The following ASH1L variants were observed in gnomAD, a reference collection of about 807,000 sequenced individuals.
The protein encoded by ASH1L is histone-lysine N-methyltransferase ASH1L.
In ASH1L, 23 loss-of-function variants were observed where a neutral mutation model predicts 269.0. That is an observed-to-expected ratio of 0.09 (90% CI 0.06 to 0.12). The LOEUF (loss-of-function observed/expected upper bound fraction) is 0.12. Among genes scored for constraint, ASH1L ranks in the 10% least tolerant of loss-of-function variants. ASH1L has a pLI of 1.00. For synonymous variants in ASH1L, 1,187 were observed against 1,253.5 expected (o/e 0.95, Z 1.12); for missense variants, 2,912 against 3,567.8 (o/e 0.82, Z 4.68).
chr1:155,521,761 A>T (rs1668901903), intron 1 of ASH1L, 143 bp from the exon 2 acceptor site: 1 of 449,326 alleles, frequency 2.2e-6, no homozygotes, highest in East Asian at 3.2e-5. Context: ...TTCAAAATAG[A>T]TGTAAATCCA....
intron 2 of ASH1L, among the ~76,000 whole-genome samples, chr1:155,497,047 G>A (rs779815107): frequency 2.0e-5 from 3 of 152,040 alleles, no homozygotes; most frequent in Non-Finnish European, 4.4e-5. Context: ...TATCTAATAA[G>A]CCTGATTTCT....
At chr1:155,533,289 C>T (rs765593391) in intron 1 of ASH1L, among the ~76,000 whole-genome samples, 4 of 151,928 alleles carry the variant, frequency 2.6e-5, no homozygotes, top group Non-Finnish European at 4.4e-5. Flanking sequence ...TCATTTAAGG[C>T]TCACAATCAG....
At chr1:155,468,067 C>T (rs553471874) in intron 3 of ASH1L, among the ~76,000 whole-genome samples, 60 of 152,084 alleles carry the variant, frequency 3.9e-4, no homozygotes, top group Middle Eastern at 3.4e-3. Flanking sequence ...CACTCATGTC[C>T]TTTTTTCACT....
At chr1:155,430,061 C>T (rs1208762704) in intron 5 of ASH1L, among the ~76,000 whole-genome samples, 6 of 152,050 alleles carry the variant, frequency 3.9e-5, no homozygotes, top group South Asian at 2.1e-4. Flanking sequence ...CTGCAACCTC[C>T]GCCTGCCAGG....
intron 12 of ASH1L, among the ~76,000 whole-genome samples, chr1:155,367,541 T>C (rs973821559): frequency 6.6e-6 from 1 of 152,196 alleles, no homozygotes. Flanking sequence ...AATGTAGATA[T>C]GACAGTGGAT....
Position 155,459,834 on chromosome 1 carries a change from G to T in ASH1L, c.5049C>A (p.Thr1683=). The change falls in exon 4 of 28, where the codon ACC becomes ACA. Residue 1683 remains threonine (T), a synonymous_variant. Transcript: ENST00000392403. ...RPSESTNCSP[T]RKRSSSESTS... ...TACTCTCAGATGAAGACCTTTTCCG[G>T]GTAGGGCTACAATTTGTGCTCTCTG... The T allele has an allele frequency of 1.9e-6, 3 of 1,613,308 alleles. No homozygotes were observed. In the South Asian group the frequency reaches 3.3e-5, roughly 18 times the overall value.
intron 4 of ASH1L, among the ~76,000 whole-genome samples, chr1:155,456,583 AAC>A (rs1450769242): frequency 9.2e-5 from 14 of 152,134 alleles, no homozygotes; most frequent in Non-Finnish European, 2.1e-4. Context: ...CACCTCACTT[AAC>A]ACATTCTCCC....
intron 21 of ASH1L, chr1:155,346,107 T>C (rs1433695063): frequency 1.6e-6 from 2 of 1,288,520 alleles, no homozygotes; most frequent in South Asian, 1.2e-5. Flanking sequence ...GTGCTAGGAT[T>C]ACAGGCATGA....
intron 10 of ASH1L, among the ~76,000 whole-genome samples, chr1:155,375,475 C>T (rs987926725): frequency 6.6e-6 from 1 of 152,098 alleles, no homozygotes; most frequent in African/African-American, 2.4e-5. Flanking sequence ...TTATCTTTAG[C>T]CAGATAATGC....
At position 155,478,325 on chromosome 1, in the gene ASH1L, C is replaced by T; in HGVS notation, c.4545G>A (p.Lys1515=). ...GSSRSVLESL[K]RYRFGKDAVG... ...CAGCATCCTTTCCAAATCTATAGCG[C>T]TTCAAAGATTCCAGGACAGATCGGG... Residue 1515 remains lysine (K), a synonymous_variant, in exon 3 of 28, where the codon AAG becomes AAA. Transcript: ENST00000392403. The surrounding 1 kb of genome is among the most constrained non-coding windows in gnomAD (Gnocchi z 4.6). 1 of 1,614,118 alleles carries T rather than the reference C, an allele frequency of 6.2e-7. No individual in the cohort carries two copies. Among genetic ancestry groups the T allele is most frequent in the Non-Finnish European group, 8.5e-7 (1 of 1,180,038 alleles).
intron 21 of ASH1L, 110 bp downstream of exon 21, chr1:155,346,273 G>T (rs2148331845): frequency 6.4e-7 from 1 of 1,550,954 alleles, no homozygotes; most frequent in Non-Finnish European, 8.9e-7. Context: ...GCCCAGAGAG[G>T]CTGAACAACC....
intron 2 of ASH1L, among the ~76,000 whole-genome samples, chr1:155,499,994 T>A (rs1239474561): frequency 6.6e-6 from 1 of 152,196 alleles, no homozygotes; most frequent in African/African-American, 2.4e-5. Context: ...CAGTACTGAT[T>A]AGGGAAGTTC....
chr1:155,485,267 A>C (rs1391452745), intron 2 of ASH1L, among the ~76,000 whole-genome samples: 1 of 151,796 alleles, frequency 6.6e-6, no homozygotes, highest in East Asian at 1.9e-4. Flanking sequence ...AAAAAAAAAA[A>C]AAACCCAAAA....
At chr1:155,370,214 C>T (rs1012948519) in intron 12 of ASH1L, 6 of 394,698 alleles carry the variant, frequency 1.5e-5, no homozygotes, top group Admixed American at 3.8e-5. Flanking sequence ...TCATCATCAT[C>T]ATTATTATAT....
chr1:155,482,579 C>T (rs1666033714), intron 2 of ASH1L, 130 bp from the exon 3 acceptor site: 1 of 904,400 alleles, frequency 1.1e-6, no homozygotes, highest in South Asian at 1.8e-5. Flanking sequence ...TTTAAAAAAC[C>T]TAATATTATA....
In ASH1L at chr1:155,337,694, G is replaced by A. The variant is rs767844998; in HGVS notation, c.8861C>T (p.Thr2954Ile). 1 of 1,613,990 alleles carries A rather than the reference G, an allele frequency of 6.2e-7. No individual in the cohort carries two copies. Residue 2954 changes from threonine to isoleucine, a missense_variant, in exon 28 of 28, where the codon ACT (threonine) becomes ATT (isoleucine). Thr to Ile is a moderately conservative substitution (Grantham distance 89). Coordinates refer to ENST00000392403, the MANE Select transcript of ASH1L (RefSeq NM_018489.3). ...AAAGCTGTTTTCTGGGATAAACAAA[G>A]TACGCCTTCGCAGTTTCCTGCCTGA... ...EGSGRKLRRR[T>I]LFIPENSFRK
chr1:155,483,564 C>T (rs530319930), intron 2 of ASH1L, among the ~76,000 whole-genome samples: 16 of 151,962 alleles, frequency 1.1e-4, no homozygotes, highest in African/African-American at 2.2e-4. Flanking sequence ...GCATGGAAAA[C>T]GCTACAATCT....
chr1:155,451,343 G>A (rs1309855523), intron 4 of ASH1L, among the ~76,000 whole-genome samples: 1 of 152,188 alleles, frequency 6.6e-6, no homozygotes, highest in Non-Finnish European at 1.5e-5. Context: ...AGGGACAGGG[G>A]AATATGAAGT....
chr1:155,546,158 C>CAAAAAAAAAAAAA (rs57715557), intron 1 of ASH1L, among the ~76,000 whole-genome samples: 1 of 110,794 alleles, frequency 9.0e-6, no homozygotes, highest in Non-Finnish European at 1.7e-5. Context: ...ATTCCATCAC[C>CAAAAAAAAAAAAA]AAAAAAAAAA....
Sources: gnomAD v4.1 joint callset for allele counts (sites outside exome capture counted in the v4.1 genomes callset) on GRCh38, gnomAD v4.1.1 for gene constraint, Gnocchi (gnomAD v3.1) non-coding constraint, MANE v1.5 for transcripts, NCBI Gene and HGNC (gene_info 2026-07-23, HGNC 2026-07-21) for gene names.